RBM47: variants seen among roughly 807,000 people sequenced by gnomAD.
RBM47 encodes the protein RNA binding motif protein 47.
In RBM47, 21 loss-of-function variants were observed where a neutral mutation model predicts 47.1. That is an observed-to-expected ratio of 0.45 (90% CI 0.32 to 0.64). RBM47 has a LOEUF of 0.64. RBM47 is among the 30% of genes least tolerant of loss of function. The pLI is 0.05. For missense variants in RBM47, 708 were observed against 870.9 expected (o/e 0.81, Z 2.35); for synonymous variants, 375 against 361.7 (o/e 1.04, Z -0.42).
At chr4:40,563,120 G>C (rs1211288375) in intron 1 of RBM47, among the ~76,000 whole-genome samples, 1 of 152,218 alleles carries the variant, frequency 6.6e-6, no homozygotes, top group Non-Finnish European at 1.5e-5. Context: ...GAATCTGGGA[G>C]GCAGAGGTTG....
intron 2 of RBM47, among the ~76,000 whole-genome samples, chr4:40,487,636 C>A (rs1324995868): frequency 6.6e-6 from 1 of 152,048 alleles, no homozygotes; most frequent in Non-Finnish European, 1.5e-5. Context: ...AACTAGGCAC[C>A]CCTCTGTGCT....
chr4:40,593,609 G>A lies in RBM47; in HGVS notation c.-240+35787C>T, dbSNP rs151175653. On this transcript the variant is annotated intron_variant, in intron 1 of 6. Transcript: ENST00000295971. ...AAATTAGCTGGACACAGCTGGGCAC[G>A]GTGGCTCACGCCTGTAATCCCAGCA... is the stretch of plus-strand genomic sequence containing the variant. Among the ~76,000 whole-genome samples, 119 of 152,034 alleles carry A rather than the reference G, an allele frequency of 7.8e-4. No homozygotes were observed. The East Asian group carries it at 0.022, about 28-fold the overall frequency.
At chr4:40,427,713 C>T (rs955435050) in intron 6 of RBM47, 2 of 152,016 alleles carry the variant, frequency 1.3e-5, no homozygotes, top group Non-Finnish European at 2.9e-5. Context: ...ATTATTTCTT[C>T]CTGGATTTTT....
At chr4:40,562,024 C>T (rs547258868) in intron 1 of RBM47, among the ~76,000 whole-genome samples, 1 of 152,290 alleles carries the variant, frequency 6.6e-6, no homozygotes, top group South Asian at 2.1e-4. Context: ...TGACTACTTA[C>T]TCATTTTAAA....
At chr4:40,517,887 T>C (rs573672226) in intron 2 of RBM47, among the ~76,000 whole-genome samples, 6 of 152,280 alleles carry the variant, frequency 3.9e-5, no homozygotes, top group African/African-American at 1.2e-4. Context: ...TGGGAAGATA[T>C]GTGTAGGTCA....
chr4:40,433,236 C>T (rs1013040654), intron 5 of RBM47, among the ~76,000 whole-genome samples: 3 of 152,194 alleles, frequency 2.0e-5, no homozygotes, highest in Non-Finnish European at 4.4e-5. Flanking sequence ...GCTGGGATTA[C>T]AGGTGTGAGC....
At chr4:40,472,133 G>T (rs1257993636) in intron 2 of RBM47, among the ~76,000 whole-genome samples, 1 of 152,160 alleles carries the variant, frequency 6.6e-6, no homozygotes, top group Non-Finnish European at 1.5e-5. Context: ...TACCAGGGAA[G>T]AATCTAGATC....
chr4:40,442,071 T>C (rs1389597611), intron 3 of RBM47, among the ~76,000 whole-genome samples: 1 of 152,214 alleles, frequency 6.6e-6, no homozygotes, highest in African/African-American at 2.4e-5. Context: ...TATAGTTTCA[T>C]TTTTTAGTTT....
At chr4:40,518,144 GTTTCT>G (rs1560439925) in intron 2 of RBM47, among the ~76,000 whole-genome samples, 31 of 113,952 alleles carry the variant, frequency 2.7e-4, no homozygotes, top group South Asian at 6.0e-4. Flanking sequence ...AACAAGCATT[GTTTCT>G]TTTCTTTTCT....
intron 1 of RBM47, among the ~76,000 whole-genome samples, chr4:40,561,036 G>C (rs753294584): frequency 6.6e-6 from 1 of 151,268 alleles, no homozygotes; most frequent in Non-Finnish European, 1.5e-5. Context: ...CACTGCCTAC[G>C]TGTCAGGAAC....
At chr4:40,533,859 A>G (rs537059817) in intron 2 of RBM47, among the ~76,000 whole-genome samples, 53 of 150,830 alleles carry the variant, frequency 3.5e-4, no homozygotes, top group African/African-American at 1.3e-3. Flanking sequence ...ATTATTGCCC[A>G]GGCTGGAGTG....
chr4:40,476,933 G>C (rs1382272059), intron 2 of RBM47, among the ~76,000 whole-genome samples: 1 of 152,172 alleles, frequency 6.6e-6, no homozygotes, highest in African/African-American at 2.4e-5. Flanking sequence ...GCCAGAGTTG[G>C]AAGTAAAAAG....
At chr4:40,619,463 A>C (rs192566443) in intron 1 of RBM47, among the ~76,000 whole-genome samples, 3 of 152,274 alleles carry the variant, frequency 2.0e-5, no homozygotes, top group African/African-American at 4.8e-5. Context: ...CTGGAGTAAC[A>C]AAATGCAAAC....
chr4:40,561,227 CTTTTTTTT>C, intron 1 of RBM47, among the ~76,000 whole-genome samples: 1 of 113,620 alleles, frequency 8.8e-6, no homozygotes, highest in Admixed American at 1.0e-4. Flanking sequence ...TTTCCATTGT[CTTTTTTTT>C]TTTTTTTTTT....
chr4:40,623,765 T>C (rs538134588), intron 1 of RBM47, among the ~76,000 whole-genome samples: 1 of 152,322 alleles, frequency 6.6e-6, no homozygotes, highest in African/African-American at 2.4e-5. Flanking sequence ...AATGCACTTT[T>C]TTCCTCCTCA....
intron 2 of RBM47, chr4:40,542,856 C>T (rs1728683736): frequency 6.6e-6 from 1 of 152,094 alleles, no homozygotes; most frequent in African/African-American, 2.4e-5. Flanking sequence ...TTGTTTTAGA[C>T]TCTTAACTCC....
At chr4:40,569,501 C>T (rs1466182830) in intron 1 of RBM47, among the ~76,000 whole-genome samples, 2 of 151,196 alleles carry the variant, frequency 1.3e-5, no homozygotes, top group East Asian at 1.9e-4. Context: ...TCTCCGCCTC[C>T]CGGGTTCACA....
chr4:40,504,685 C>A (rs2154251266), intron 2 of RBM47, among the ~76,000 whole-genome samples: 1 of 152,230 alleles, frequency 6.6e-6, no homozygotes, highest in South Asian at 2.1e-4. Flanking sequence ...CTTCCCTCCC[C>A]ACCTCAGCTT....
intron 2 of RBM47, among the ~76,000 whole-genome samples, chr4:40,482,734 A>G (rs1720590660): frequency 6.6e-6 from 1 of 152,240 alleles, no homozygotes; most frequent in East Asian, 1.9e-4. Flanking sequence ...AACCTTAGAC[A>G]TATTTTATAA....
Sources: allele counts gnomAD v4.1 joint callset (sites outside exome capture counted in the v4.1 genomes callset), GRCh38; gene constraint gnomAD v4.1.1; transcripts MANE v1.5; gene names NCBI Gene and HGNC (gene_info 2026-07-23, HGNC 2026-07-21).